Variants in CCNB1 observed in about 807,000 individuals in gnomAD.
CCNB1 encodes the protein cyclin B1, also known as G2/mitotic-specific cyclin-B1.
Under a neutral mutation model 44.4 loss-of-function variants are expected in CCNB1, and 26 were observed. The ratio of observed to expected loss-of-function variants is 0.59; its 90% confidence interval spans 0.43 to 0.81. The LOEUF is 0.81. Ranked by LOEUF, CCNB1 falls within the 40% of genes least tolerant of loss-of-function variation. The pLI, the probability that CCNB1 is intolerant of heterozygous loss-of-function variation, is 0.00. For missense variants in CCNB1, 477 were observed against 520.9 expected, an observed-to-expected ratio of 0.92 and a Z score of 0.82; for synonymous variants, 195 against 181.4, an observed-to-expected ratio of 1.08 and a Z score of -0.60.
At chr5:69,168,430 G>A in intron 3 of CCNB1, 87 bp downstream of exon 3, 2 of 1,466,790 alleles carry the variant, frequency 1.4e-6, no homozygotes, top group Non-Finnish European at 1.9e-6. Flanking sequence ...CAAATGAATA[G>A]TAATATTAAT....
chr5:69,168,616 C>T (rs1159585838), intron 3 of CCNB1, among the ~76,000 whole-genome samples: 1 of 152,176 alleles, frequency 6.6e-6, no homozygotes, highest in Non-Finnish European at 1.5e-5. Flanking sequence ...GATTCAAGCT[C>T]AGGCTGTCTG....
intron 4 of CCNB1, among the ~76,000 whole-genome samples, chr5:69,172,524 T>C (rs1747486621): frequency 6.6e-6 from 1 of 152,118 alleles, no homozygotes. Context: ...CCCAAAGTGC[T>C]GGGATTACAG....
chr5:69,172,474 C>G (rs1186201929), intron 4 of CCNB1, among the ~76,000 whole-genome samples: 1 of 152,074 alleles, frequency 6.6e-6, no homozygotes, highest in Admixed American at 6.6e-5. Flanking sequence ...CCAGGCTGGT[C>G]TCGAACTCCT....
chr5:69,177,315 T>C lies in CCNB1; in HGVS notation c.1160T>C (p.Val387Ala). Residue 387 changes from valine (V) to alanine (A), a missense_variant, in exon 8 of 9, where the codon GTA (valine) becomes GCA (alanine). Transcript: ENST00000256442. ...LPVMQHLAKNVVMVNQGLTKH... is the reference protein window; with the variant it reads ...LPVMQHLAKNAVMVNQGLTKH... Reference sequence around the variant, plus strand: ...GTTATGCAGCACCTGGCTAAGAATGTAGTCATGGTAAATCAAGGACTTACA... The same window carrying C: ...GTTATGCAGCACCTGGCTAAGAATGCAGTCATGGTAAATCAAGGACTTACA... The C allele has an allele frequency of 6.2e-7, 1 of 1,612,194 alleles. No homozygotes were observed. Among genetic ancestry groups the C allele is most frequent in the East Asian group, 2.2e-5 (1 of 44,868 alleles).
chr5:69,168,070 A>C lies in CCNB1; in HGVS notation c.184A>C (p.Met62Leu), dbSNP rs763498172. The C allele has an allele frequency of 6.2e-7, 1 of 1,613,616 alleles. No homozygotes were observed. The highest frequency in any genetic ancestry group is 1.1e-5 in the South Asian group (1 of 90,954). Residue 62 changes from methionine to leucine, a missense_variant, in exon 2 of 9, where the codon ATG becomes CTG. Transcript: ENST00000256442. Reference sequence around the variant, plus strand: ...TGAACAACTGCAGGCCAAAATGCCTATGAAGAAGGTAACTCTCTTCCTGAC... The same window carrying C: ...TGAACAACTGCAGGCCAAAATGCCTCTGAAGAAGGTAACTCTCTTCCTGAC... Reference protein sequence around the residue: ...VSEQLQAKMPMKKEAKPSATG... With the variant: ...VSEQLQAKMPLKKEAKPSATG...
chr5:69,171,157 G>C, intron 3 of CCNB1, 113 bp from the exon 4 acceptor site: 1 of 670,926 alleles, frequency 1.5e-6, no homozygotes. Flanking sequence ...GAAATGAATT[G>C]TATGCCGATT....
intron 7 of CCNB1, among the ~76,000 whole-genome samples, chr5:69,176,002 T>C (rs1747580013): frequency 7.1e-6 from 1 of 141,098 alleles, no homozygotes; most frequent in African/African-American, 2.7e-5. Flanking sequence ...TATATATATA[T>C]ATATATATAT....
At chr5:69,175,654 A>T in intron 7 of CCNB1, 117 bp downstream of exon 7, 1 of 937,466 alleles carries the variant, frequency 1.1e-6, no homozygotes, top group Admixed American at 2.6e-5. Flanking sequence ...CTACTGAAGG[A>T]ATAGTTAAAA....
In CCNB1 at chr5:69,167,245, C is replaced by T. The variant is rs759478793; in HGVS notation, c.-18C>T. On this transcript the variant is annotated 5_prime_UTR_variant, in exon 1 of 9. Transcript: ENST00000256442. Reference sequence around the variant, plus strand: ...TCTGCTTCTCCCCGCTGAGCTGCTGCCTGGTGAAGAGGAAGCCATGGCGCT... The same window carrying T: ...TCTGCTTCTCCCCGCTGAGCTGCTGTCTGGTGAAGAGGAAGCCATGGCGCT... 3 of 1,566,426 alleles carry T rather than the reference C, an allele frequency of 1.9e-6. No homozygotes were observed. Among genetic ancestry groups the T allele is most frequent in the East Asian group, 2.3e-5 (1 of 42,750 alleles).
In CCNB1 at chr5:69,168,313, A is replaced by C; in HGVS notation, c.333A>C (p.Lys111Asn). ...PEPEPEPEPVKEEKLSPEPIL... is the reference protein window; with the variant it reads ...PEPEPEPEPVNEEKLSPEPIL... ...CTGAGCCAGAACCTGAGCCTGTTAA[A>C]GAAGAAAAACTTTCGCCTGAGCCTA... The change falls in exon 3 of 9, where the codon AAA (lysine) becomes AAC (asparagine). Residue 111 changes from lysine to asparagine, a missense_variant. Coordinates refer to ENST00000256442, the MANE Select transcript of CCNB1 (RefSeq NM_031966.4). The C allele has an allele frequency of 6.2e-7, 1 of 1,614,088 alleles. No individual in the cohort carries two copies.
In CCNB1 at chr5:69,171,263, T is replaced by C. The variant is rs774015617; in HGVS notation, c.364-7T>C. ...TTTGCTATTTCAAGATATCTCTTTG[T>C]TTCAAGGTTGATACTGCCTCTCCAA... On this transcript the variant is annotated splice_polypyrimidine_tract_variant and splice_region_variant and intron_variant, in intron 3 of 8. Coordinates refer to ENST00000256442, the MANE Select transcript of CCNB1 (RefSeq NM_031966.4). 1.3e-6 allele frequency: 2 copies of C among 1,599,418 alleles called. No individual in the cohort carries two copies. The highest frequency in any genetic ancestry group is 1.1e-5 in the South Asian group (1 of 88,272).
chr5:69,170,999 G>T (rs1023620596), intron 3 of CCNB1, among the ~76,000 whole-genome samples: 2 of 152,052 alleles, frequency 1.3e-5, no homozygotes, highest in Admixed American at 6.6e-5. Flanking sequence ...GCCCAGGCTG[G>T]TCTTGAACTC....
chr5:69,175,143 T>A, intron 6 of CCNB1, 30 bp downstream of exon 6: 1 of 1,485,260 alleles, frequency 6.7e-7, no homozygotes, highest in Non-Finnish European at 9.4e-7. Context: ...CCTCTCCGTA[T>A]GGGTACATTA....
chr5:69,175,889 T>C (rs1343763526), intron 7 of CCNB1, among the ~76,000 whole-genome samples: 1 of 151,092 alleles, frequency 6.6e-6, no homozygotes, highest in African/African-American at 2.4e-5. Context: ...CATGTTCACA[T>C]GAACACCAAA....
chr5:69,172,995 A>C (rs111418609), intron 4 of CCNB1, among the ~76,000 whole-genome samples: 25,040 of 151,632 alleles, frequency 0.17, 2,356 homozygotes, highest in African/African-American at 0.25. Flanking sequence ...GGATGGTCTC[A>C]ATCTCCTGAC....
At chr5:69,175,625 T>G (rs1747568133) in intron 7 of CCNB1, 88 bp downstream of exon 7, 1 of 1,247,942 alleles carries the variant, frequency 8.0e-7, no homozygotes, top group Non-Finnish European at 1.1e-6. Context: ...GCAATTCAAG[T>G]GGTTCATAAA....
intron 1 of CCNB1, 176 bp downstream of exon 1, chr5:69,167,459 T>G (rs2112044092): frequency 3.3e-6 from 2 of 612,262 alleles, no homozygotes; most frequent in East Asian, 6.0e-5. Flanking sequence ...TGAGAGAGTG[T>G]GGGGGACGAT....
Position 69,177,924 on chromosome 5 carries a change from T to C in CCNB1, c.*293T>C, listed in dbSNP as rs1747633944. The C allele has an allele frequency of 4.2e-6, 1 of 239,576 alleles. No individual in the cohort carries two copies. 14.8% of individuals were successfully genotyped at this position (239,576 alleles called of 1,614,324 possible). On this transcript the variant is annotated 3_prime_UTR_variant, in exon 9 of 9. Coordinates refer to ENST00000256442, the MANE Select transcript of CCNB1 (RefSeq NM_031966.4). ...ATATACCTGGCTTTTACTTTATTAA[T>C]ATGAGTTACTGAAGGTGATGGAGGT...
chr5:69,171,407 T>C lies in CCNB1; in HGVS notation c.501T>C (p.Cys167=). 6.2e-7 allele frequency: 1 copy of C among 1,612,632 alleles called. No individual in the cohort carries two copies. ...DAEDGADPNL[C]SEYVKDIYAY... ...AAGATGGAGCTGATCCAAACCTTTGTAGTGAATATGTGAAAGATATTTATG... is the reference window on the plus strand; with the variant it reads ...AAGATGGAGCTGATCCAAACCTTTGCAGTGAATATGTGAAAGATATTTATG... The change falls in exon 4 of 9, where the codon TGT becomes TGC. Residue 167 remains cysteine (C), a synonymous_variant. Transcript: ENST00000256442.
Sources: allele counts gnomAD v4.1 joint callset (sites outside exome capture counted in the v4.1 genomes callset), GRCh38; gene constraint gnomAD v4.1.1; transcripts MANE v1.5; gene names NCBI Gene and HGNC (gene_info 2026-07-23, HGNC 2026-07-21).